ZMYM1: variants seen among roughly 807,000 people sequenced by gnomAD.
ZMYM1 encodes zinc finger MYM-type protein 1.
A neutral mutation model predicts 60.0 loss-of-function variants in ZMYM1; 39 were observed. The ratio of observed to expected loss-of-function variants is 0.65; its 90% confidence interval spans 0.50 to 0.85. The LOEUF (loss-of-function observed/expected upper bound fraction) is 0.85, where lower values mean the gene tolerates loss of function less well. ZMYM1 is among the 40% of genes least tolerant of loss of function. The pLI is 0.00. For missense variants in ZMYM1, 1,171 were observed against 1,309.5 expected, an observed-to-expected ratio of 0.89 and a Z score of 1.63; for synonymous variants, 413 against 454.0, an observed-to-expected ratio of 0.91 and a Z score of 1.15.
chr1:35,118,517 A>G (rs1638551631), downstream of ZMYM1, among the ~76,000 whole-genome samples: 1 of 151,962 alleles, frequency 6.6e-6, no homozygotes, highest in South Asian at 2.1e-4. Context: ...CGAGGTCAGG[A>G]GATCGAGACC....
intron 1 of ZMYM1, among the ~76,000 whole-genome samples, chr1:35,063,658 CAACA>C (rs984895153): frequency 1.5e-4 from 23 of 151,912 alleles, no homozygotes; most frequent in African/African-American, 4.6e-4. Context: ...CTAACAACAA[CAACA>C]AAAAAATGTA....
intron 1 of ZMYM1, among the ~76,000 whole-genome samples, chr1:35,082,780 GA>G (rs1287270879): frequency 6.7e-6 from 1 of 148,812 alleles, no homozygotes; most frequent in African/African-American, 2.5e-5. Context: ...AGGAGTTCCA[GA>G]CCAGCCTGGC....
intron 4 of ZMYM1, among the ~76,000 whole-genome samples, chr1:35,097,842 G>A (rs748599124): frequency 6.6e-6 from 1 of 151,966 alleles, no homozygotes; most frequent in East Asian, 1.9e-4. Flanking sequence ...ATGGGGTTTC[G>A]TTCGCCATGT....
rs781760633 is a variant in ZMYM1 at position 35,114,248 on chromosome 1, A to G, written c.2418A>G (p.Gln806=). 35 of 1,613,514 alleles carry G rather than the reference A, an allele frequency of 2.2e-5. 1 individual carries two copies. The South Asian group carries it at 2.9e-4, about 13-fold the overall frequency. ...AAACATGCAAGAAACATATATCACA[A>G]TCATGTTGGACAGTCCATGATCGTA... The part of the protein sequence containing the change: ...QNKTCKKHIS[Q]SCWTVHDRTL... Residue 806 remains glutamine, a synonymous_variant, in exon 10 of 10, where the codon CAA becomes CAG. Transcript: ENST00000359858.
chr1:35,070,115 T>G (rs1379532936), intron 1 of ZMYM1, among the ~76,000 whole-genome samples: 1 of 152,230 alleles, frequency 6.6e-6, no homozygotes, highest in African/African-American at 2.4e-5. Flanking sequence ...TTTTTATATT[T>G]CTGTGAATAA....
At position 35,113,887 on chromosome 1, in the gene ZMYM1, A is replaced by G; in HGVS notation, c.2057A>G (p.Glu686Gly). Residue 686 changes from glutamate (E) to glycine (G), a missense_variant, in exon 10 of 10, where the codon GAG becomes GGG. Coordinates refer to ENST00000359858, the MANE Select transcript of ZMYM1 (RefSeq NM_024772.5). ...AGATTCTTGGGTTTTGTTGATACTG[A>G]GGAGATGACTGGGACCCACTTACAT... Reference protein sequence around the residue: ...KERFLGFVDTEEMTGTHLHRT... With the variant: ...KERFLGFVDTGEMTGTHLHRT... The G allele has an allele frequency of 6.2e-7, 1 of 1,613,910 alleles. No homozygotes were observed. The highest frequency in any genetic ancestry group is 8.5e-7 in the Non-Finnish European group (1 of 1,179,896).
chr1:35,105,898 C>T (rs185279400), intron 6 of ZMYM1, among the ~76,000 whole-genome samples: 20 of 152,244 alleles, frequency 1.3e-4, no homozygotes, highest in Middle Eastern at 3.4e-3. Flanking sequence ...TGAGCCTAGC[C>T]ATGTTTTTGT....
At chr1:35,111,444 C>A (rs1370112108) in intron 7 of ZMYM1, among the ~76,000 whole-genome samples, 1 of 152,166 alleles carries the variant, frequency 6.6e-6, no homozygotes, top group East Asian at 1.9e-4. Flanking sequence ...TTAGGAGATT[C>A]AATCAGAATC....
At chr1:35,081,266 G>A (rs116621136) in intron 1 of ZMYM1, among the ~76,000 whole-genome samples, 2,478 of 152,272 alleles carry the variant, frequency 0.016, 76 homozygotes, top group African/African-American at 0.056. Context: ...GTGGTATAAT[G>A]CGAAGAAATA....
chr1:35,115,334 T>C lies in ZMYM1; in HGVS notation c.*75T>C. On this transcript the variant is annotated 3_prime_UTR_variant, in exon 10 of 10. Transcript: ENST00000359858. ...TTTTCATTTCAAAATTGTTCAAAAT[T>C]CAAAAGACACAGAACGATAAACAGT... The C allele has an allele frequency of 6.9e-7, 1 of 1,455,304 alleles. No homozygotes were observed. The highest frequency in any genetic ancestry group is 9.1e-7 in the Non-Finnish European group (1 of 1,100,130). 90.1% of individuals were successfully genotyped at this position (1,455,304 alleles called of 1,614,324 possible).
At chr1:35,063,605 T>C (rs1474758575) in intron 1 of ZMYM1, among the ~76,000 whole-genome samples, 3 of 152,118 alleles carry the variant, frequency 2.0e-5, no homozygotes, top group African/African-American at 7.2e-5. Context: ...ACCTAGCTTC[T>C]ATCTAAATTC....
intron 1 of ZMYM1, among the ~76,000 whole-genome samples, chr1:35,089,453 T>G (rs1642864896): frequency 6.6e-6 from 1 of 152,120 alleles, no homozygotes; most frequent in South Asian, 2.1e-4. Context: ...CTTATTTAAC[T>G]TTCTGCATTG....
At chr1:35,086,464 A>G (rs564432191) in intron 1 of ZMYM1, among the ~76,000 whole-genome samples, 125 of 152,052 alleles carry the variant, frequency 8.2e-4, no homozygotes, top group African/African-American at 2.9e-3. Flanking sequence ...CTATTTATAA[A>G]AAGCAGAAAA....
intron 4 of ZMYM1, among the ~76,000 whole-genome samples, chr1:35,102,333 T>G (rs1175825226): frequency 2.0e-5 from 3 of 152,238 alleles, no homozygotes; most frequent in Non-Finnish European, 4.4e-5. Flanking sequence ...CGTTAATCTA[T>G]CTTGTACTTT....
At chr1:35,071,845 T>A (rs1028389833) in intron 1 of ZMYM1, among the ~76,000 whole-genome samples, 16 of 152,224 alleles carry the variant, frequency 1.1e-4, no homozygotes, top group Admixed American at 7.2e-4. Flanking sequence ...TTTGGTAGAA[T>A]TCAGCAGTGA....
chr1:35,077,653 G>C (rs1642190230), upstream of ZMYM1, among the ~76,000 whole-genome samples: 1 of 151,932 alleles, frequency 6.6e-6, no homozygotes, highest in Non-Finnish European at 1.5e-5. Context: ...CCCCACCAGG[G>C]AACTAACTCA....
At chr1:35,088,434 G>GTGTA (rs1340110928) in intron 1 of ZMYM1, among the ~76,000 whole-genome samples, 77 of 68,044 alleles carry the variant, frequency 1.1e-3, no homozygotes, top group African/African-American at 1.5e-3. Flanking sequence ...GTGTTTATGT[G>GTGTA]TATATATATA....
chr1:35,112,847 C>T (rs575371257), intron 9 of ZMYM1, 130 bp from the exon 10 acceptor site: 9 of 740,718 alleles, frequency 1.2e-5, no homozygotes, highest in African/African-American at 7.3e-5. Context: ...TAATTGTTAA[C>T]GTTTCCCCCT....
At chr1:35,104,170 C>A in intron 4 of ZMYM1, 125 bp from the exon 5 acceptor site, 2 of 846,136 alleles carry the variant, frequency 2.4e-6, no homozygotes, top group East Asian at 2.7e-5. Flanking sequence ...AACTGGGTAC[C>A]AAATTCAGGT....
Sources: allele counts gnomAD v4.1 joint callset (sites outside exome capture counted in the v4.1 genomes callset), GRCh38; gene constraint gnomAD v4.1.1; transcripts MANE v1.5; gene names NCBI Gene and HGNC (gene_info 2026-07-23, HGNC 2026-07-21).